DNAJC3: variants seen among roughly 807,000 people sequenced by gnomAD.
The protein encoded by DNAJC3 is DnaJ heat shock protein family (Hsp40) member C3.
Under a neutral mutation model 68.6 loss-of-function variants are expected in DNAJC3, and 38 were observed. The observed-to-expected ratio is 0.55, with a 90% confidence interval of 0.43 to 0.73. DNAJC3 has a LOEUF of 0.73. Ranked by LOEUF, DNAJC3 falls within the 30% of genes least tolerant of loss-of-function variation. The pLI, the probability that DNAJC3 is intolerant of heterozygous loss-of-function variation, is 0.00. For synonymous variants in DNAJC3, 203 were observed against 204.0 expected (o/e 1.00, Z 0.04); for missense variants, 526 against 591.9 (o/e 0.89, Z 1.16).
intron 4 of DNAJC3, among the ~76,000 whole-genome samples, chr13:95,751,110 CTG>C (rs1390684486): frequency 6.6e-6 from 1 of 152,138 alleles, no homozygotes; most frequent in South Asian, 2.1e-4. Flanking sequence ...TGACACATAC[CTG>C]TAGTCCTAGC....
At chr13:95,766,814 C>A (rs529140137) in intron 9 of DNAJC3, among the ~76,000 whole-genome samples, 4 of 152,068 alleles carry the variant, frequency 2.6e-5, no homozygotes, top group Admixed American at 1.3e-4. Context: ...AATTCTCCTG[C>A]CTCAGCCTCC....
chr13:95,787,311 CT>C (rs1245406843), intron 11 of DNAJC3, among the ~76,000 whole-genome samples, 156 bp downstream of exon 11: 4 of 152,152 alleles, frequency 2.6e-5, no homozygotes, highest in Non-Finnish European at 5.9e-5. Flanking sequence ...TCATTCAGCC[CT>C]CTTATGTTGG....
chr13:95,748,751 G>T (rs190442413), intron 4 of DNAJC3, among the ~76,000 whole-genome samples: 3 of 152,200 alleles, frequency 2.0e-5, no homozygotes, highest in African/African-American at 4.8e-5. Context: ...GGGAGGGAAA[G>T]GTTGCAGTGA....
At chr13:95,696,670 T>G (rs1880448882) in intron 1 of DNAJC3, among the ~76,000 whole-genome samples, 1 of 152,256 alleles carries the variant, frequency 6.6e-6, no homozygotes. Context: ...ATACATCTTT[T>G]GTTACCCCTT....
At chr13:95,706,243 T>C (rs1284182836) in intron 1 of DNAJC3, among the ~76,000 whole-genome samples, 1 of 152,232 alleles carries the variant, frequency 6.6e-6, no homozygotes, top group Non-Finnish European at 1.5e-5. Flanking sequence ...GTTCTGCTGC[T>C]ATAGTGTGAA....
intron 9 of DNAJC3, among the ~76,000 whole-genome samples, chr13:95,781,301 C>T (rs751661169): frequency 1.4e-4 from 22 of 152,068 alleles, no homozygotes; most frequent in Non-Finnish European, 2.4e-4. Context: ...CCAGCCATCC[C>T]ATAGTCATCT....
intron 4 of DNAJC3, among the ~76,000 whole-genome samples, chr13:95,747,830 T>C (rs1399547417): frequency 1.3e-5 from 2 of 151,594 alleles, no homozygotes; most frequent in African/African-American, 4.9e-5. Flanking sequence ...TTGGTTGGGG[T>C]GATAGGAAAA....
chr13:95,696,742 G>C (rs907488690), intron 1 of DNAJC3, among the ~76,000 whole-genome samples: 2 of 151,360 alleles, frequency 1.3e-5, no homozygotes, highest in Non-Finnish European at 2.9e-5. Flanking sequence ...GCAGATGGTT[G>C]TGTCTTGTGT....
chr13:95,774,134 T>TA (rs1286527732), intron 9 of DNAJC3, among the ~76,000 whole-genome samples: 49 of 152,344 alleles, frequency 3.2e-4, no homozygotes, highest in African/African-American at 1.2e-3. Flanking sequence ...TCCTTAGACT[T>TA]ACTTTGGTTG....
chr13:95,725,830 C>A, intron 4 of DNAJC3, among the ~76,000 whole-genome samples: 1 of 117,260 alleles, frequency 8.5e-6, no homozygotes, highest in East Asian at 3.0e-4. Context: ...CCCCCTCCCC[C>A]CACCCCACAA....
intron 1 of DNAJC3, among the ~76,000 whole-genome samples, chr13:95,685,966 C>G (rs1342394647): frequency 1.4e-5 from 2 of 143,738 alleles, no homozygotes; most frequent in Non-Finnish European, 3.1e-5. Context: ...CCTTTGCCCA[C>G]TTTTTTTTTT....
chr13:95,690,641 G>A (rs1405346139), intron 1 of DNAJC3, among the ~76,000 whole-genome samples: 7 of 143,414 alleles, frequency 4.9e-5, no homozygotes, highest in South Asian at 2.2e-4. Flanking sequence ...CCTCCCGGAC[G>A]GGGCGGCTGG....
At chr13:95,691,916 G>A (rs150179804) in intron 1 of DNAJC3, among the ~76,000 whole-genome samples, 5 of 152,210 alleles carry the variant, frequency 3.3e-5, no homozygotes, top group South Asian at 2.1e-4. Context: ...CCAGTCAGGC[G>A]TGGCGGCGCG....
chr13:95,698,442 C>T (rs1275906618), intron 1 of DNAJC3, among the ~76,000 whole-genome samples: 1 of 152,216 alleles, frequency 6.6e-6, no homozygotes, highest in East Asian at 1.9e-4. Context: ...CCCACGAATA[C>T]TCCAATGATA....
intron 5 of DNAJC3, among the ~76,000 whole-genome samples, chr13:95,759,032 T>G (rs913606352): frequency 6.6e-6 from 1 of 152,204 alleles, no homozygotes; most frequent in Non-Finnish European, 1.5e-5. Context: ...ATGTATAATG[T>G]TGGTTTTGAT....
rs182090481 is a variant in DNAJC3, at chr13:95,759,654, A to G, written c.547-386A>G. 1.1e-4 allele frequency among the ~76,000 whole-genome samples: 16 copies of G among 152,354 alleles called. No individual in the cohort carries two copies. The East Asian group carries it at 2.7e-3, about 26-fold the overall frequency. ...TTTTGACTACAAATTAGAATTGTTGATTAAGTATAAAAATCTGATAACAGA... is the reference window on the plus strand; with the variant it reads ...TTTTGACTACAAATTAGAATTGTTGGTTAAGTATAAAAATCTGATAACAGA... On this transcript the variant is annotated intron_variant, in intron 5 of 11. Coordinates refer to ENST00000602402, the MANE Select transcript of DNAJC3 (RefSeq NM_006260.5).
chr13:95,680,512 G>A (rs1166742315), intron 1 of DNAJC3, among the ~76,000 whole-genome samples: 3 of 152,088 alleles, frequency 2.0e-5, no homozygotes, highest in Non-Finnish European at 4.4e-5. Context: ...GTGACTTTAA[G>A]TAATTTAAAT....
At chr13:95,769,002 T>TATCTATATCTATATCTATATCTATATCTA (rs2139682667) in intron 9 of DNAJC3, among the ~76,000 whole-genome samples, 1 of 97,804 alleles carries the variant, frequency 1.0e-5, no homozygotes, top group South Asian at 2.8e-4. Flanking sequence ...TCTATATCTA[T>TATCTATATCTATATCTATATCTATATCTA]ATCTATATCT....
intron 1 of DNAJC3, among the ~76,000 whole-genome samples, chr13:95,700,834 C>T (rs1880565691): frequency 6.6e-6 from 1 of 152,052 alleles, no homozygotes; most frequent in Non-Finnish European, 1.5e-5. Context: ...CATCATGTTG[C>T]CTGGATTATC....
Sources: allele counts gnomAD v4.1 joint callset (sites outside exome capture counted in the v4.1 genomes callset), GRCh38; gene constraint gnomAD v4.1.1; transcripts MANE v1.5; gene names NCBI Gene and HGNC (gene_info 2026-07-23, HGNC 2026-07-21).